The following ANO4 variants were observed in gnomAD, a reference collection of about 807,000 sequenced individuals.
ANO4 encodes the protein anoctamin-4.
A neutral mutation model predicts 141.9 loss-of-function variants in ANO4; 69 were observed. That is an observed-to-expected ratio of 0.49 (90% CI 0.40 to 0.59). The LOEUF (loss-of-function observed/expected upper bound fraction) is 0.59. Ranked by LOEUF, ANO4 falls within the 20% of genes least tolerant of loss-of-function variation. The pLI is 0.00. For synonymous variants in ANO4, 350 were observed against 394.3 expected (o/e 0.89, Z 1.33); for missense variants, 894 against 1,162.2 (o/e 0.77, Z 3.36).
chr12:100,728,387 C>T (rs771997849), intron 1 of ANO4, among the ~76,000 whole-genome samples: 5 of 152,232 alleles, frequency 3.3e-5, no homozygotes, highest in Admixed American at 6.5e-5. Context: ...CTTAGCACAT[C>T]AGATAACTGA....
In ANO4 at chr12:100,901,789, G is replaced by T; in HGVS notation, c.4G>T (p.Glu2Ter). 6.2e-7 allele frequency: 1 copy of T among 1,614,004 alleles called. No individual in the cohort carries two copies. Among genetic ancestry groups the T allele is most frequent in the South Asian group, 1.1e-5 (1 of 91,064 alleles). M[E>*]ASSSGITNGK... ...ACCAGGCAGAAGGTCAATAAAAATGGAGGCAAGCTCTTCTGGAATCACTAA... is the reference window on the plus strand; with the variant it reads ...ACCAGGCAGAAGGTCAATAAAAATGTAGGCAAGCTCTTCTGGAATCACTAA... Residue 2 changes from glutamate to a stop codon, truncating the protein, a stop_gained, in exon 2 of 28, where the codon GAG (glutamate) becomes TAG (stop). Transcript: ENST00000392977. LOFTEE classifies it high-confidence loss of function.
rs2051349221 is a variant in ANO4, at chr12:101,127,061, G to C, written c.2859G>C (p.Glu953Asp). 1 of 1,612,958 alleles carries C rather than the reference G, an allele frequency of 6.2e-7. No individual in the cohort carries two copies. The highest frequency in any genetic ancestry group is 8.5e-7 in the Non-Finnish European group (1 of 1,179,388). Reference sequence around the variant, plus strand: ...AGAATGGAAAAGCACACCACAACGAGTGGCCGTGACCATGTAGGTGAGAGG... The same window carrying C: ...AGAATGGAAAAGCACACCACAACGACTGGCCGTGACCATGTAGGTGAGAGG... ...RKKNGKAHHN[E>D]WP The change falls in exon 27 of 28, where the codon GAG becomes GAC. Residue 953 changes from glutamate to aspartate, a missense_variant. By Grantham distance (45) the Glu-to-Asp change is conservative. Coordinates refer to ENST00000392977, the MANE Select transcript of ANO4 (RefSeq NM_001286615.2).
intron 4 of ANO4, among the ~76,000 whole-genome samples, chr12:100,941,266 G>A (rs1566036432): frequency 6.6e-6 from 1 of 151,348 alleles, no homozygotes; most frequent in Non-Finnish European, 1.5e-5. Context: ...AACCACGGAA[G>A]CTACTTTCAA....
intron 5 of ANO4, among the ~76,000 whole-genome samples, chr12:100,949,218 CA>C (rs1350480365): frequency 6.6e-6 from 1 of 152,240 alleles, no homozygotes; most frequent in East Asian, 1.9e-4. Context: ...GAACCCAGCT[CA>C]GCTGTGCCTG....
At chr12:100,975,400 TTC>T (rs370704311) in intron 7 of ANO4, among the ~76,000 whole-genome samples, 564 of 151,132 alleles carry the variant, frequency 3.7e-3, no homozygotes, top group Non-Finnish European at 5.7e-3. Flanking sequence ...CCCTTTCTTT[TTC>T]TTTTTTCTTT....
rs142544695 is a variant in ANO4, at chr12:100,921,600, A to G, written c.56-626A>G. ...TTTCTTTGACTTCCTTAAATGTTCT[A>G]TAGGTGTATGGAGCAGCATAAAAAC... On this transcript the variant is annotated intron_variant, in intron 2 of 27. Transcript: ENST00000392977. Among the ~76,000 whole-genome samples the G allele has an allele frequency of 2.2e-4, 33 of 152,276 alleles. No homozygotes were observed. In the East Asian group the frequency reaches 3.1e-3, roughly 14 times the overall value.
At chr12:101,038,095 T>C (rs1005359067) in intron 10 of ANO4, among the ~76,000 whole-genome samples, 15 of 152,180 alleles carry the variant, frequency 9.9e-5, no homozygotes, top group African/African-American at 3.6e-4. Context: ...TTTCAGAACT[T>C]TATTTATTAA....
chr12:101,069,870 C>T (rs1241635898), intron 14 of ANO4, among the ~76,000 whole-genome samples: 1 of 151,422 alleles, frequency 6.6e-6, no homozygotes, highest in Non-Finnish European at 1.5e-5. Flanking sequence ...ATAAGATGGC[C>T]AGATCTACAT....
intron 17 of ANO4, among the ~76,000 whole-genome samples, chr12:101,088,450 T>C (rs1435560379): frequency 1.3e-5 from 2 of 152,162 alleles, no homozygotes; most frequent in Non-Finnish European, 2.9e-5. Flanking sequence ...ATTTTACTTA[T>C]TTATTTTGTT....
chr12:101,126,801 A>G, intron 26 of ANO4, 78 bp from the exon 27 acceptor site: 1 of 1,363,306 alleles, frequency 7.3e-7, no homozygotes, highest in South Asian at 1.3e-5. Context: ...GAGGGTCCAC[A>G]TCCTTCTTCA....
intron 9 of ANO4, among the ~76,000 whole-genome samples, chr12:101,020,424 T>C (rs1363233388): frequency 2.0e-5 from 3 of 152,230 alleles, no homozygotes; most frequent in African/African-American, 7.2e-5. Context: ...GAGATATGCA[T>C]AGTTCTGATC....
chr12:100,774,404 A>T (rs993215462), intron 3 of ANO4, among the ~76,000 whole-genome samples: 3 of 152,178 alleles, frequency 2.0e-5, no homozygotes, highest in Admixed American at 6.5e-5. Context: ...GCAACCCAAT[A>T]TTTTTTTAGG....
chr12:101,043,801 A>G (rs1366312319), intron 13 of ANO4, among the ~76,000 whole-genome samples, 166 bp downstream of exon 13: 1 of 152,108 alleles, frequency 6.6e-6, no homozygotes, highest in Non-Finnish European at 1.5e-5. Flanking sequence ...ATCTTTGTTA[A>G]TTGTCCATGT....
chr12:100,960,268 A>G (rs1417721227), intron 5 of ANO4, among the ~76,000 whole-genome samples: 3 of 152,082 alleles, frequency 2.0e-5, no homozygotes, highest in Non-Finnish European at 2.9e-5. Context: ...ACGCACACAC[A>G]CACACACACC....
chr12:100,855,980 G>A (rs928891143), intron 1 of ANO4, among the ~76,000 whole-genome samples: 1 of 152,178 alleles, frequency 6.6e-6, no homozygotes, highest in African/African-American at 2.4e-5. Flanking sequence ...AGAAGAACTT[G>A]TATTTCAGCC....
At chr12:100,832,155 C>A (rs75457789) in intron 1 of ANO4, among the ~76,000 whole-genome samples, 1 of 152,034 alleles carries the variant, frequency 6.6e-6, no homozygotes, top group African/African-American at 2.4e-5. Flanking sequence ...TCCCCACCCC[C>A]CAATCCTCTG....
intron 5 of ANO4, among the ~76,000 whole-genome samples, chr12:100,965,616 A>G (rs1485387019): frequency 6.6e-6 from 1 of 151,558 alleles, no homozygotes; most frequent in Non-Finnish European, 1.5e-5. Context: ...TCCACCTCAC[A>G]CTTTACAATG....
chr12:100,784,093 C>A (rs1375112934), intron 3 of ANO4, among the ~76,000 whole-genome samples: 1 of 152,168 alleles, frequency 6.6e-6, no homozygotes, highest in Non-Finnish European at 1.5e-5. Context: ...TTGCTTAACC[C>A]CTTGTCTTCC....
At chr12:100,923,855 G>T (rs191530864) in intron 3 of ANO4, among the ~76,000 whole-genome samples, 23 of 152,176 alleles carry the variant, frequency 1.5e-4, no homozygotes, top group African/African-American at 5.5e-4. Context: ...GGTATCTCAT[G>T]GTGGTTTTGA....
Sources: allele counts gnomAD v4.1 joint callset (sites outside exome capture counted in the v4.1 genomes callset), GRCh38; gene constraint gnomAD v4.1.1; transcripts MANE v1.5; gene names NCBI Gene and HGNC (gene_info 2026-07-23, HGNC 2026-07-21).